Variants in RALGAPA2 observed in about 807,000 individuals in gnomAD.
RALGAPA2 encodes the protein ral GTPase-activating protein subunit alpha-2.
Under a neutral mutation model 230.4 loss-of-function variants are expected in RALGAPA2, and 139 were observed. That is an observed-to-expected ratio of 0.60 (90% CI 0.53 to 0.69). The LOEUF (loss-of-function observed/expected upper bound fraction) is 0.69, where lower values mean the gene tolerates loss of function less well. Ranked by LOEUF, RALGAPA2 falls within the 30% of genes least tolerant of loss-of-function variation. RALGAPA2 has a pLI of 0.00. For missense variants in RALGAPA2, 2,163 were observed against 2,276.0 expected (o/e 0.95, Z 1.01); for synonymous variants, 847 against 837.8 (o/e 1.01, Z -0.19).
At chr20:20,566,970 C>T (rs1273069493) in intron 23 of RALGAPA2, among the ~76,000 whole-genome samples, 4 of 152,178 alleles carry the variant, frequency 2.6e-5, no homozygotes, top group African/African-American at 9.7e-5. Flanking sequence ...ATGAAAATGA[C>T]AAAGACCCAC....
intron 24 of RALGAPA2, among the ~76,000 whole-genome samples, chr20:20,545,658 T>C (rs2063757773): frequency 6.6e-6 from 1 of 152,244 alleles, no homozygotes; most frequent in Admixed American, 6.5e-5. Flanking sequence ...CTAATTTTAT[T>C]TATACCATTT....
At chr20:20,555,002 T>C (rs1337395857) in intron 23 of RALGAPA2, among the ~76,000 whole-genome samples, 1 of 152,232 alleles carries the variant, frequency 6.6e-6, no homozygotes, top group Non-Finnish European at 1.5e-5. Context: ...TATTGGCAAA[T>C]TCAAGGTCAT....
At chr20:20,428,963 T>G (rs2060447576) in intron 37 of RALGAPA2, among the ~76,000 whole-genome samples, 1 of 152,106 alleles carries the variant, frequency 6.6e-6, no homozygotes, top group Non-Finnish European at 1.5e-5. Flanking sequence ...AAACCCATCA[T>G]AGTGAGATTA....
intron 38 of RALGAPA2, among the ~76,000 whole-genome samples, chr20:20,399,959 T>C (rs1479147055): frequency 6.6e-6 from 1 of 152,128 alleles, no homozygotes; most frequent in Non-Finnish European, 1.5e-5. Flanking sequence ...TCAAGATAAT[T>C]AGGAAAGAGA....
intron 24 of RALGAPA2, among the ~76,000 whole-genome samples, chr20:20,539,513 ATATT>A (rs761095730): frequency 4.6e-5 from 7 of 152,186 alleles, no homozygotes; most frequent in African/African-American, 7.2e-5. Context: ...AAAAATTTGT[ATATT>A]TAAAGTATAT....
At chr20:20,590,641 G>A (rs989996571) in intron 17 of RALGAPA2, among the ~76,000 whole-genome samples, 4 of 152,204 alleles carry the variant, frequency 2.6e-5, no homozygotes, top group Non-Finnish European at 5.9e-5. Context: ...ACACCCTGTT[G>A]CTGCTGCAAG....
intron 37 of RALGAPA2, among the ~76,000 whole-genome samples, chr20:20,459,756 T>A (rs574846887): frequency 6.6e-6 from 1 of 152,198 alleles, no homozygotes; most frequent in African/African-American, 2.4e-5. Context: ...TTCCCACCTA[T>A]CAAGTTATAG....
In RALGAPA2 at chr20:20,605,299, G is replaced by C. The variant is rs375280363; in HGVS notation, c.1914C>G (p.Asn638Lys). Reference sequence around the variant, plus strand: ...AGGAGTCCATAATGTTGGCCCACTCGTTTATAAGTTCCTCCCATTCCGTGA... The same window carrying C: ...AGGAGTCCATAATGTTGGCCCACTCCTTTATAAGTTCCTCCCATTCCGTGA... Reference protein sequence around the residue: ...SSLTEWEELINEWANIMDSLT... With the variant: ...SSLTEWEELIKEWANIMDSLT... Residue 638 changes from asparagine (N) to lysine (K), a missense_variant, in exon 15 of 40, where the codon AAC becomes AAG. Asn to Lys is a moderately conservative substitution (Grantham distance 94). Coordinates refer to ENST00000202677, the MANE Select transcript of RALGAPA2 (RefSeq NM_020343.4). 1.7e-5 allele frequency: 27 copies of C among 1,613,532 alleles called. No individual in the cohort carries two copies. Among genetic ancestry groups the C allele is most frequent in the Non-Finnish European group, 1.4e-5 (17 of 1,179,756 alleles).
At chr20:20,653,423 A>G (rs1170901493) in intron 4 of RALGAPA2, 107 bp downstream of exon 4, 5 of 690,456 alleles carry the variant, frequency 7.2e-6, no homozygotes, top group Admixed American at 2.8e-5. Context: ...TACCCTTATT[A>G]ATATTCCTTT....
chr20:20,575,408 T>G (rs563827317), intron 20 of RALGAPA2, among the ~76,000 whole-genome samples: 27 of 151,930 alleles, frequency 1.8e-4, no homozygotes, highest in African/African-American at 6.3e-4. Flanking sequence ...TGAGTTTGTT[T>G]TTTTTTTTTT....
At position 20,511,270 on chromosome 20, in the gene RALGAPA2, A is replaced by G. The variant is rs2062697051; in HGVS notation, c.4912T>C (p.Leu1638=). 1 of 1,572,192 alleles carries G rather than the reference A, an allele frequency of 6.4e-7. No homozygotes were observed. Among genetic ancestry groups the G allele is most frequent in the Non-Finnish European group, 8.6e-7 (1 of 1,157,770 alleles). Residue 1638 remains leucine, a synonymous_variant, in exon 33 of 40, where the codon TTG becomes CTG. Coordinates refer to ENST00000202677, the MANE Select transcript of RALGAPA2 (RefSeq NM_020343.4). ...TTCACATACCACTGGCGGGAGTCCA[A>G]ATTTTTCAGCTCTCTCAATAATTTT... ...NSKLLRELKN[L]DSRQCRETHK... is the part of the protein sequence containing the mutation.
At chr20:20,408,882 T>TA (rs1422835926) in intron 38 of RALGAPA2, among the ~76,000 whole-genome samples, 2 of 152,232 alleles carry the variant, frequency 1.3e-5, no homozygotes, top group Non-Finnish European at 2.9e-5. Context: ...TAGTGCTAGG[T>TA]AAAAAAGTAG....
At chr20:20,657,731 G>T (rs1271747309) in intron 3 of RALGAPA2, among the ~76,000 whole-genome samples, 2 of 152,132 alleles carry the variant, frequency 1.3e-5, no homozygotes, top group African/African-American at 2.4e-5. Context: ...TCTCCTTTAA[G>T]GGACCTGGCA....
chr20:20,557,485 G>C (rs2064119722), intron 23 of RALGAPA2, among the ~76,000 whole-genome samples: 1 of 152,146 alleles, frequency 6.6e-6, no homozygotes, highest in Non-Finnish European at 1.5e-5. Flanking sequence ...GCATCTACTA[G>C]AAATATATTC....
At chr20:20,457,933 C>T (rs965976948) in intron 37 of RALGAPA2, among the ~76,000 whole-genome samples, 4 of 152,120 alleles carry the variant, frequency 2.6e-5, no homozygotes, top group Admixed American at 6.5e-5. Context: ...AGGCAGGGGG[C>T]ATGGAGGGCA....
chr20:20,518,761 C>A (rs934776111), intron 31 of RALGAPA2, among the ~76,000 whole-genome samples: 7 of 152,062 alleles, frequency 4.6e-5, no homozygotes, highest in Non-Finnish European at 1.5e-5. Context: ...AGTGACAACT[C>A]ATAATAAATG....
intron 1 of RALGAPA2, among the ~76,000 whole-genome samples, chr20:20,695,956 C>T (rs1200508887): frequency 6.6e-6 from 1 of 152,126 alleles, no homozygotes; most frequent in Non-Finnish European, 1.5e-5. Context: ...TCTTCTCCAG[C>T]CACTGACAGA....
chr20:20,704,882 C>A (rs1445078196), intron 1 of RALGAPA2, among the ~76,000 whole-genome samples: 1 of 152,240 alleles, frequency 6.6e-6, no homozygotes, highest in Non-Finnish European at 1.5e-5. Flanking sequence ...CCTCTCTCTA[C>A]AGAACCCTCA....
At chr20:20,473,990 T>C (rs2061595538) in intron 36 of RALGAPA2, among the ~76,000 whole-genome samples, 1 of 152,218 alleles carries the variant, frequency 6.6e-6, no homozygotes, top group African/African-American at 2.4e-5. Flanking sequence ...TTGGAATTTA[T>C]TGGAGATTTT....
Sources: allele counts gnomAD v4.1 joint callset (sites outside exome capture counted in the v4.1 genomes callset), GRCh38; gene constraint gnomAD v4.1.1; transcripts MANE v1.5; gene names NCBI Gene and HGNC (gene_info 2026-07-23, HGNC 2026-07-21).